ABHD12B: variants seen among roughly 807,000 people sequenced by gnomAD.
ABHD12B encodes the protein protein ABHD12B.
In ABHD12B, 42 loss-of-function variants were observed where a neutral mutation model predicts 50.4. The ratio of observed to expected loss-of-function variants is 0.83; its 90% CI spans 0.65 to 1.08. The LOEUF is 1.08. Among genes scored for constraint, ABHD12B ranks in the 50% least tolerant of loss-of-function variants. The pLI is 0.00. For synonymous variants in ABHD12B, 167 were observed against 160.3 expected (o/e 1.04, Z -0.32); for missense variants, 479 against 447.7 (o/e 1.07, Z -0.63).
At chr14:50,882,949 T>C (rs2049978515) in intron 5 of ABHD12B, among the ~76,000 whole-genome samples, 2 of 131,034 alleles carry the variant, frequency 1.5e-5, no homozygotes, top group Admixed American at 9.2e-5. Flanking sequence ...GCAGCCTGAA[T>C]GACAGAGTGA....
chr14:50,902,611 A>G (rs776688448), intron 10 of ABHD12B, among the ~76,000 whole-genome samples: 3 of 152,260 alleles, frequency 2.0e-5, no homozygotes, highest in Non-Finnish European at 4.4e-5. Context: ...TCCAATGACT[A>G]GAATTTATCA....
At chr14:50,875,347 A>G (rs1440149632) in intron 1 of ABHD12B, among the ~76,000 whole-genome samples, 1 of 152,226 alleles carries the variant, frequency 6.6e-6, no homozygotes, top group East Asian at 1.9e-4. Flanking sequence ...CACAGGTTGA[A>G]GGTACCTGTC....
At chr14:50,880,260 C>T (rs554299969) in intron 3 of ABHD12B, among the ~76,000 whole-genome samples, 192 bp from the exon 4 acceptor site, 3 of 152,280 alleles carry the variant, frequency 2.0e-5, no homozygotes, top group East Asian at 1.9e-4. Context: ...TGCATGGGGA[C>T]ATGGGGTAGG....
Position 50,872,147 on chromosome 14 carries a change from G to C in ABHD12B, c.-28G>C. 7.9e-7 allele frequency: 1 copy of C among 1,271,864 alleles called. No individual in the cohort carries two copies. Among genetic ancestry groups the C allele is most frequent in the Non-Finnish European group, 9.9e-7 (1 of 1,008,210 alleles). 78.8% of individuals were successfully genotyped at this position (1,271,864 alleles called of 1,614,324 possible). A position where few individuals can be genotyped will look rare whatever the true frequency, so the allele number is the denominator to read the frequency against. On this transcript the variant is annotated 5_prime_UTR_variant, in exon 1 of 13. Coordinates refer to ENST00000337334, the MANE Select transcript of ABHD12B (RefSeq NM_001206673.2). ...GCTCCGGACTGCAGCTCCCGCGGCG[G>C]TGGCGGCGTATCGGGACACGGCGCG...
At chr14:50,889,382 A>G (rs1366307461) in intron 9 of ABHD12B, among the ~76,000 whole-genome samples, 1 of 152,232 alleles carries the variant, frequency 6.6e-6, no homozygotes, top group African/African-American at 2.4e-5. Context: ...GCTCCCACCT[A>G]TAATCCCAGC....
In ABHD12B at chr14:50,881,627, G is replaced by T. The variant is rs138523238; in HGVS notation, c.486+1G>T. ...TTCGCACAGACTGAAGCTGGTAAAG[G>T]TATGTCTGAAGAGGCCTCAAAGCAC... On this transcript the variant is annotated splice_donor_variant, in intron 5 of 12. Coordinates refer to ENST00000337334, the MANE Select transcript of ABHD12B (RefSeq NM_001206673.2). LOFTEE classifies it high-confidence loss of function. 13,409 of 1,608,000 alleles carry T rather than the reference G, an allele frequency of 8.3e-3. 84 individuals are homozygous for T. The highest frequency in any genetic ancestry group is 0.01 in the Non-Finnish European group (12,084 of 1,178,398).
intron 5 of ABHD12B, among the ~76,000 whole-genome samples, chr14:50,884,612 G>T (rs948939036): frequency 6.6e-5 from 10 of 151,960 alleles, no homozygotes; most frequent in African/African-American, 2.4e-4. Flanking sequence ...CAGTACAGTT[G>T]TGAGGATTAA....
rs759479457 is a variant in ABHD12B at position 50,878,857 on chromosome 14, C to T, written c.335+10C>T. On this transcript the variant is annotated intron_variant, in intron 3 of 12. Transcript: ENST00000337334. ...TGATGCTAGGGATCTGGTGAGTGCA[C>T]GGATGGGACACCGGGTTGCTTGATG... The T allele has an allele frequency of 2.1e-5, 33 of 1,609,644 alleles. No individual in the cohort carries two copies. The highest frequency in any genetic ancestry group is 2.7e-5 in the African/African-American group (2 of 74,782).
intron 8 of ABHD12B, among the ~76,000 whole-genome samples, chr14:50,888,332 T>C (rs1373459028): frequency 1.3e-5 from 2 of 151,784 alleles, no homozygotes; most frequent in Non-Finnish European, 2.9e-5. Context: ...GCCTCTCGAG[T>C]AGCTGGGACT....
chr14:50,898,894 A>G (rs570928601), intron 9 of ABHD12B, among the ~76,000 whole-genome samples: 59 of 152,354 alleles, frequency 3.9e-4, no homozygotes, highest in African/African-American at 1.3e-3. Context: ...CAAATCCCAC[A>G]GAACCAAGGA....
At chr14:50,885,278 G>A (rs1174853736) in intron 5 of ABHD12B, among the ~76,000 whole-genome samples, 1 of 152,152 alleles carries the variant, frequency 6.6e-6, no homozygotes, top group African/African-American at 2.4e-5. Context: ...TGAACATACA[G>A]ATACCTAGAG....
intron 1 of ABHD12B, among the ~76,000 whole-genome samples, chr14:50,874,795 T>C (rs1262545756): frequency 6.6e-6 from 1 of 152,192 alleles, no homozygotes; most frequent in Non-Finnish European, 1.5e-5. Context: ...TTCTTTATTA[T>C]CTATTGGATA....
chr14:50,889,894 CATAG>C (rs1465235421), intron 9 of ABHD12B, among the ~76,000 whole-genome samples: 3 of 152,172 alleles, frequency 2.0e-5, no homozygotes, highest in Non-Finnish European at 1.5e-5. Flanking sequence ...AATAAGCCAT[CATAG>C]ATAGAATTCC....
intron 9 of ABHD12B, chr14:50,895,827 G>C (rs903389608): frequency 6.6e-6 from 1 of 152,016 alleles, no homozygotes; most frequent in East Asian, 1.9e-4. Flanking sequence ...GGGTATTGAC[G>C]GTCAGGCTTC....
At chr14:50,890,967 A>G (rs938715496) in intron 9 of ABHD12B, 4 of 152,166 alleles carry the variant, frequency 2.6e-5, no homozygotes, top group African/African-American at 4.8e-5. Flanking sequence ...CCTTGCCCTC[A>G]TATTGATATA....
intron 9 of ABHD12B, chr14:50,893,638 G>A (rs55848853): frequency 2.0e-4 from 31 of 158,480 alleles, no homozygotes; most frequent in Non-Finnish European, 3.8e-4. Flanking sequence ...CGGATCGGGG[G>A]ACCTCCCTTG....
chr14:50,890,305 A>G (rs2142750886), intron 9 of ABHD12B, among the ~76,000 whole-genome samples: 1 of 152,310 alleles, frequency 6.6e-6, no homozygotes, highest in African/African-American at 2.4e-5. Flanking sequence ...ACATGATTTA[A>G]TGAGCAATTA....
rs766136523 is a variant in ABHD12B at position 50,904,334 on chromosome 14, T to C, written c.1062-5T>C. On this transcript the variant is annotated splice_region_variant and splice_polypyrimidine_tract_variant and intron_variant, in intron 12 of 12. Coordinates refer to ENST00000337334, the MANE Select transcript of ABHD12B (RefSeq NM_001206673.2). ...TGTGAGCTGATCTGGGTCCTTTTTC[T>C]ACAGAGATTTCCTGAGCAAGCAGTG... is the stretch of plus-strand genomic sequence containing the variant. The C allele has an allele frequency of 6.2e-7, 1 of 1,613,850 alleles. No individual in the cohort carries two copies. Among genetic ancestry groups the C allele is most frequent in the East Asian group, 2.2e-5 (1 of 44,870 alleles).
intron 5 of ABHD12B, among the ~76,000 whole-genome samples, chr14:50,883,090 G>A (rs2049982227): frequency 6.6e-6 from 1 of 152,006 alleles, no homozygotes; most frequent in Non-Finnish European, 1.5e-5. Context: ...TGGTTTGTTG[G>A]GACAGCCCCT....
Sources: gnomAD v4.1 joint callset for allele counts (sites outside exome capture counted in the v4.1 genomes callset) on GRCh38, gnomAD v4.1.1 for gene constraint, MANE v1.5 for transcripts, NCBI Gene and HGNC (gene_info 2026-07-23, HGNC 2026-07-21) for gene names.